LRP1B: variants seen among roughly 807,000 people sequenced by gnomAD.
The protein encoded by LRP1B is low-density lipoprotein receptor-related protein 1B.
In LRP1B, 217 loss-of-function variants were observed where a neutral mutation model predicts 556.6. The ratio of observed to expected loss-of-function variants is 0.39; its 90% CI spans 0.35 to 0.44. The LOEUF (loss-of-function observed/expected upper bound fraction) is 0.44, where lower values mean the gene tolerates loss of function less well. Among genes scored for constraint, LRP1B ranks in the 20% least tolerant of loss-of-function variants. LRP1B has a pLI of 1.00. For synonymous variants in LRP1B, 2,047 were observed against 1,865.8 expected (o/e 1.10, Z -2.50); for missense variants, 5,053 against 5,620.8 (o/e 0.90, Z 3.23).
chr2:141,269,495 T>C (rs1050940703), intron 3 of LRP1B, among the ~76,000 whole-genome samples: 1 of 152,030 alleles, frequency 6.6e-6, no homozygotes, highest in Non-Finnish European at 1.5e-5. Flanking sequence ...GATAAACAGA[T>C]AGTCAAAGAG....
intron 77 of LRP1B, among the ~76,000 whole-genome samples, chr2:140,346,700 C>T (rs750549685): frequency 2.6e-5 from 4 of 151,802 alleles, no homozygotes; most frequent in Non-Finnish European, 4.4e-5. Flanking sequence ...CACCTATGCA[C>T]TTTGTGTGTG....
chr2:140,685,000 C>T (rs1191639908), intron 41 of LRP1B, among the ~76,000 whole-genome samples: 1 of 152,024 alleles, frequency 6.6e-6, no homozygotes, highest in Non-Finnish European at 1.5e-5. Flanking sequence ...AGCATGCATC[C>T]CTTCTGTCAT....
At chr2:140,407,896 C>G (rs1041731746) in intron 66 of LRP1B, among the ~76,000 whole-genome samples, 13 of 151,972 alleles carry the variant, frequency 8.6e-5, no homozygotes, top group Admixed American at 1.3e-4. Context: ...TATGGCAGCA[C>G]ACTTCACCAC....
chr2:141,806,762 A>C (rs891130706), intron 2 of LRP1B, among the ~76,000 whole-genome samples: 1 of 152,008 alleles, frequency 6.6e-6, no homozygotes, highest in Non-Finnish European at 1.5e-5. Context: ...TGTTCTGTAC[A>C]TATGTTTTCC....
At chr2:142,006,565 C>T (rs1254414304) in intron 1 of LRP1B, among the ~76,000 whole-genome samples, 1 of 152,206 alleles carries the variant, frequency 6.6e-6, no homozygotes, top group Non-Finnish European at 1.5e-5. Context: ...ACATTCACAA[C>T]TTTGATTATC....
intron 3 of LRP1B, among the ~76,000 whole-genome samples, chr2:141,461,564 C>T (rs1681874411): frequency 6.6e-6 from 1 of 152,084 alleles, no homozygotes; most frequent in South Asian, 2.1e-4. Context: ...TGGTAGGAAA[C>T]ATTTGGATAT....
intron 2 of LRP1B, among the ~76,000 whole-genome samples, chr2:141,482,321 T>A (rs1169106600): frequency 6.6e-6 from 1 of 152,156 alleles, no homozygotes; most frequent in African/African-American, 2.4e-5. Flanking sequence ...ATGCTGTAGC[T>A]TCACTAGCTG....
chr2:140,524,070 A>G (rs375413148), intron 49 of LRP1B, among the ~76,000 whole-genome samples: 2 of 151,928 alleles, frequency 1.3e-5, no homozygotes, highest in East Asian at 1.9e-4. Context: ...CCAACTATGT[A>G]TCTGGCAAAG....
chr2:140,744,521 G>T (rs1158331977), intron 35 of LRP1B, among the ~76,000 whole-genome samples: 1 of 152,166 alleles, frequency 6.6e-6, no homozygotes. Context: ...AAATTTACTT[G>T]TCAGCCGGCT....
At chr2:141,827,595 T>A (rs1696981607) in intron 1 of LRP1B, among the ~76,000 whole-genome samples, 1 of 152,108 alleles carries the variant, frequency 6.6e-6, no homozygotes, top group East Asian at 1.9e-4. Flanking sequence ...TGGAACATTA[T>A]ATAGCCAGTA....
chr2:141,728,406 C>G (rs980892689), intron 2 of LRP1B, among the ~76,000 whole-genome samples: 43 of 152,112 alleles, frequency 2.8e-4, no homozygotes, highest in African/African-American at 7.0e-4. Context: ...GGGGCCTCCA[C>G]AAGCTCCTAA....
intron 3 of LRP1B, among the ~76,000 whole-genome samples, chr2:141,461,335 A>T (rs1025225357): frequency 1.3e-5 from 2 of 152,198 alleles, no homozygotes; most frequent in Non-Finnish European, 2.9e-5. Flanking sequence ...GGTTATACCA[A>T]TACAGATACT....
At chr2:140,263,013 T>C (rs1682018839) in intron 86 of LRP1B, among the ~76,000 whole-genome samples, 1 of 152,142 alleles carries the variant, frequency 6.6e-6, no homozygotes, top group African/African-American at 2.4e-5. Context: ...AGCCTCAACT[T>C]CTCCGGCTCA....
At chr2:140,802,197 A>T (rs1303942350) in intron 32 of LRP1B, among the ~76,000 whole-genome samples, 1 of 152,166 alleles carries the variant, frequency 6.6e-6, no homozygotes, top group African/African-American at 2.4e-5. Flanking sequence ...TCTTGGGGGA[A>T]TTAAGGAAAT....
intron 2 of LRP1B, among the ~76,000 whole-genome samples, chr2:141,765,316 A>G (rs948569584): frequency 6.6e-6 from 1 of 152,232 alleles, no homozygotes; most frequent in Non-Finnish European, 1.5e-5. Flanking sequence ...TAATCTTCTG[A>G]ATATTTTATG....
At chr2:141,010,837 T>C (rs537057528) in intron 14 of LRP1B, among the ~76,000 whole-genome samples, 26 of 151,880 alleles carry the variant, frequency 1.7e-4, no homozygotes, top group Non-Finnish European at 3.7e-4. Context: ...TCTTCTAATA[T>C]GAGGAGTAAG....
intron 1 of LRP1B, among the ~76,000 whole-genome samples, chr2:141,999,619 C>T (rs923690599): frequency 1.3e-5 from 2 of 152,102 alleles, no homozygotes; most frequent in East Asian, 3.9e-4. Flanking sequence ...CCATACCTTT[C>T]TATTTAATTT....
intron 41 of LRP1B, among the ~76,000 whole-genome samples, chr2:140,692,393 G>T (rs1256803441): frequency 6.6e-6 from 1 of 152,032 alleles, no homozygotes; most frequent in African/African-American, 2.4e-5. Flanking sequence ...GAATTGCTAG[G>T]TGAAAGTATA....
At chr2:140,246,599 C>G (rs939458476) in intron 87 of LRP1B, among the ~76,000 whole-genome samples, 2 of 150,324 alleles carry the variant, frequency 1.3e-5, no homozygotes, top group African/African-American at 4.9e-5. Flanking sequence ...GATAAAGAAG[C>G]AATAAATCAA....
Sources: gnomAD v4.1 joint callset for allele counts (sites outside exome capture counted in the v4.1 genomes callset) on GRCh38, gnomAD v4.1.1 for gene constraint, MANE v1.5 for transcripts, NCBI Gene and HGNC (gene_info 2026-07-23, HGNC 2026-07-21) for gene names.